Variants in GRIK4 observed in about 807,000 individuals in gnomAD.
GRIK4 encodes glutamate ionotropic receptor kainate type subunit 4.
In GRIK4, 40 loss-of-function variants were observed where a neutral mutation model predicts 104.9. The ratio of observed to expected loss-of-function variants is 0.38; its 90% CI spans 0.30 to 0.50. The LOEUF (loss-of-function observed/expected upper bound fraction) is 0.50. Among genes scored for constraint, GRIK4 ranks in the 20% least tolerant of loss-of-function variants. The pLI, the probability that GRIK4 is intolerant of heterozygous loss-of-function variation, is 0.93. For missense variants in GRIK4, 1,047 were observed against 1,308.1 expected (o/e 0.80, Z 3.08); for synonymous variants, 485 against 524.9 (o/e 0.92, Z 1.04).
intron 3 of GRIK4, among the ~76,000 whole-genome samples, chr11:120,774,791 C>CT (rs1188546376): frequency 6.6e-6 from 1 of 152,120 alleles, no homozygotes; most frequent in Non-Finnish European, 1.5e-5. Context: ...AGTGGGGACT[C>CT]TGAGCTGGTA....
intron 3 of GRIK4, among the ~76,000 whole-genome samples, chr11:120,752,612 T>C (rs1401547456): frequency 6.6e-6 from 1 of 152,226 alleles, no homozygotes; most frequent in Non-Finnish European, 1.5e-5. Context: ...TTTTCATTCC[T>C]TTTAAAGTTT....
At chr11:120,716,161 A>G (rs1041832809) in intron 3 of GRIK4, among the ~76,000 whole-genome samples, 3 of 151,170 alleles carry the variant, frequency 2.0e-5, no homozygotes, top group African/African-American at 4.9e-5. Flanking sequence ...AGAGCTGAGA[A>G]GAAGGAACCA....
intron 8 of GRIK4, among the ~76,000 whole-genome samples, chr11:120,841,362 A>G (rs763160881): frequency 2.0e-5 from 3 of 152,228 alleles, no homozygotes; most frequent in Non-Finnish European, 2.9e-5. Context: ...GTGGAATCAT[A>G]TAATATTTGT....
chr11:120,514,387 G>A (rs1262775749), intron 1 of GRIK4, among the ~76,000 whole-genome samples: 1 of 152,184 alleles, frequency 6.6e-6, no homozygotes. Context: ...CAGAAACTGA[G>A]GCTCAGAGAG....
chr11:120,962,785 G>A (rs983281954), intron 18 of GRIK4, 104 bp downstream of exon 18: 7 of 719,600 alleles, frequency 9.7e-6, no homozygotes, highest in Non-Finnish European at 1.7e-5. Context: ...CCTGTTGTTA[G>A]AACCAGTTTA....
At chr11:120,694,472 G>A (rs1326380877) in intron 3 of GRIK4, among the ~76,000 whole-genome samples, 4 of 152,202 alleles carry the variant, frequency 2.6e-5, no homozygotes, top group Non-Finnish European at 5.9e-5. Flanking sequence ...AAAGTGAGCT[G>A]CTCTAGGAGG....
intron 3 of GRIK4, among the ~76,000 whole-genome samples, chr11:120,766,828 G>A (rs886517916): frequency 6.6e-6 from 1 of 151,282 alleles, no homozygotes; most frequent in African/African-American, 2.4e-5. Context: ...TACCTCAGTT[G>A]GAAACACAGA....
chr11:120,609,494 T>A, intron 1 of GRIK4, among the ~76,000 whole-genome samples: 1 of 149,452 alleles, frequency 6.7e-6, no homozygotes, highest in Non-Finnish European at 1.5e-5. Context: ...CTGCTTTCCC[T>A]TTTCCCCCAT....
chr11:120,511,856 C>G lies in GRIK4; in HGVS notation c.-190C>G. 2 of 346,770 alleles carry G rather than the reference C, an allele frequency of 5.8e-6. No individual in the cohort carries two copies. Among genetic ancestry groups the G allele is most frequent in the South Asian group, 3.9e-5 (2 of 51,620 alleles). 21.5% of individuals were successfully genotyped at this position (346,770 alleles called of 1,614,324 possible). On this transcript the variant is annotated 5_prime_UTR_variant, in exon 1 of 21. Coordinates refer to ENST00000527524, the MANE Select transcript of GRIK4 (RefSeq NM_014619.5). ...GGCCGGCCCGGCAGCGCCCGGCCCC[C>G]GGCTCAGCCCCCGGAGTGCGGAGCC...
At chr11:120,947,417 A>G (rs1320034229) in intron 14 of GRIK4, among the ~76,000 whole-genome samples, 2 of 150,156 alleles carry the variant, frequency 1.3e-5, no homozygotes, top group East Asian at 3.9e-4. Flanking sequence ...AAAAAAAAAA[A>G]GTGATGGAGA....
chr11:120,957,591 A>G (rs939796146), intron 16 of GRIK4, among the ~76,000 whole-genome samples: 9 of 136,436 alleles, frequency 6.6e-5, no homozygotes, highest in Non-Finnish European at 1.2e-4. Flanking sequence ...GACAAAACAA[A>G]TGTGTGTGTG....
At chr11:120,904,626 C>T (rs1226700595) in intron 12 of GRIK4, among the ~76,000 whole-genome samples, 2 of 152,206 alleles carry the variant, frequency 1.3e-5, no homozygotes, top group African/African-American at 4.8e-5. Context: ...CTACATTTCT[C>T]CTCCCATCTC....
chr11:120,871,437 G>A (rs1473561746), intron 9 of GRIK4: 11 of 363,792 alleles, frequency 3.0e-5, no homozygotes, highest in Non-Finnish European at 6.0e-5. Flanking sequence ...GAGCAGGGAA[G>A]CAGAGAAGAG....
At chr11:120,984,764 T>C (rs1481497737) in intron 20 of GRIK4, among the ~76,000 whole-genome samples, 1 of 150,310 alleles carries the variant, frequency 6.7e-6, no homozygotes, top group African/African-American at 2.5e-5. Context: ...GGAAGACTCT[T>C]GTCTAAAAAA....
intron 1 of GRIK4, among the ~76,000 whole-genome samples, chr11:120,546,278 T>G (rs1203793894): frequency 6.6e-6 from 1 of 152,172 alleles, no homozygotes; most frequent in Non-Finnish European, 1.5e-5. Context: ...TCCTGCAGTC[T>G]CCCTTGCAGT....
chr11:120,885,256 G>A (rs987042256), intron 11 of GRIK4, among the ~76,000 whole-genome samples: 19 of 152,236 alleles, frequency 1.2e-4, no homozygotes, highest in African/African-American at 4.3e-4. Context: ...ATCCTGCCAT[G>A]CACTCCGCAC....
intron 3 of GRIK4, among the ~76,000 whole-genome samples, chr11:120,670,983 G>A (rs1278079368): frequency 6.6e-6 from 1 of 151,882 alleles, no homozygotes; most frequent in Admixed American, 6.6e-5. Flanking sequence ...GTGTTAGTTT[G>A]CTGAGAATGG....
At chr11:120,898,879 G>C (rs1301260513) in intron 12 of GRIK4, among the ~76,000 whole-genome samples, 1 of 152,212 alleles carries the variant, frequency 6.6e-6, no homozygotes, top group Non-Finnish European at 1.5e-5. Context: ...GATGCCTCTT[G>C]GAGGCACCCT....
chr11:120,582,895 G>A (rs1243527846), intron 1 of GRIK4, among the ~76,000 whole-genome samples: 1 of 152,192 alleles, frequency 6.6e-6, no homozygotes, highest in Non-Finnish European at 1.5e-5. Context: ...GGATTGCTGG[G>A]TCAAATGTTA....
Sources: allele counts gnomAD v4.1 joint callset (sites outside exome capture counted in the v4.1 genomes callset), GRCh38; gene constraint gnomAD v4.1.1; transcripts MANE v1.5; gene names NCBI Gene and HGNC (gene_info 2026-07-23, HGNC 2026-07-21).